The following PAPSS1 variants were observed in gnomAD, a reference collection of about 807,000 sequenced individuals.
PAPSS1 encodes the protein 3'-phosphoadenosine 5'-phosphosulfate synthase 1.
Under a neutral mutation model 72.0 loss-of-function variants are expected in PAPSS1, and 50 were observed. The observed-to-expected ratio is 0.69, with a 90% CI of 0.55 to 0.88. The LOEUF (loss-of-function observed/expected upper bound fraction) is 0.88, where lower values mean the gene tolerates loss of function less well. Among genes scored for constraint, PAPSS1 ranks in the 40% least tolerant of loss-of-function variants. PAPSS1 has a pLI of 0.00. For synonymous variants in PAPSS1, 261 were observed against 263.6 expected (o/e 0.99, Z 0.09); for missense variants, 657 against 782.2 (o/e 0.84, Z 1.91).
intron 10 of PAPSS1, among the ~76,000 whole-genome samples, chr4:107,641,402 T>G (rs1441297116): frequency 6.6e-6 from 1 of 152,188 alleles, no homozygotes; most frequent in Admixed American, 6.5e-5. Flanking sequence ...CCATGCTATA[T>G]TCAGAGTTGA....
At chr4:107,624,671 C>T (rs1726048994) in intron 11 of PAPSS1, among the ~76,000 whole-genome samples, 1 of 151,904 alleles carries the variant, frequency 6.6e-6, no homozygotes, top group Admixed American at 6.6e-5. Flanking sequence ...TACTAGAAGA[C>T]AATATGATAG....
intron 11 of PAPSS1, among the ~76,000 whole-genome samples, chr4:107,621,740 C>G (rs1010983385): frequency 6.7e-6 from 1 of 150,128 alleles, no homozygotes. Flanking sequence ...CCTGCCTCAG[C>G]CTCCCGAGTA....
intron 11 of PAPSS1, 110 bp from the exon 12 acceptor site, chr4:107,614,497 C>T (rs981982064): frequency 2.7e-6 from 2 of 737,074 alleles, no homozygotes; most frequent in African/African-American, 1.8e-5. Context: ...AAAAAAAATA[C>T]TGAACATAGT....
rs1170269280 is a variant in PAPSS1 at position 107,687,070 on chromosome 4, G to A, written c.519C>T (p.Leu173=). The A allele has an allele frequency of 6.3e-7, 1 of 1,594,916 alleles. No individual in the cohort carries two copies. The highest frequency in any genetic ancestry group is 8.5e-7 in the Non-Finnish European group (1 of 1,173,692). The stretch of plus-strand genomic sequence containing the variant: ...TTTCTCCTGCCCGGGCTTTTTTGTA[G>A]AGTCCTTTGACATCCCTCTGTTCAC... ...HVCEQRDVKG[L]YKKARAGEIK... Residue 173 remains leucine, a synonymous_variant, in exon 4 of 12, where the codon CTC becomes CTT. Coordinates refer to ENST00000265174, the MANE Select transcript of PAPSS1 (RefSeq NM_005443.5).
intron 6 of PAPSS1, among the ~76,000 whole-genome samples, chr4:107,658,804 G>C (rs141354897): frequency 7.9e-5 from 12 of 152,140 alleles, no homozygotes; most frequent in African/African-American, 2.6e-4. Context: ...TTGAATGTCT[G>C]TGTCCTCTCA....
At chr4:107,677,660 A>T (rs1341049337) in intron 5 of PAPSS1, among the ~76,000 whole-genome samples, 1 of 152,244 alleles carries the variant, frequency 6.6e-6, no homozygotes, top group Non-Finnish European at 1.5e-5. Flanking sequence ...TAGAAATACC[A>T]TTGGACCCAA....
intron 11 of PAPSS1, among the ~76,000 whole-genome samples, chr4:107,627,179 T>C (rs561798839): frequency 2.0e-3 from 300 of 152,326 alleles, no homozygotes; most frequent in African/African-American, 6.9e-3. Flanking sequence ...GAGACCACAG[T>C]AATGAAACAT....
At chr4:107,709,374 A>G (rs1206800110) in intron 1 of PAPSS1, among the ~76,000 whole-genome samples, 1 of 152,176 alleles carries the variant, frequency 6.6e-6, no homozygotes, top group East Asian at 1.9e-4. Context: ...AACTGCCCTT[A>G]GGTATTGCTG....
At chr4:107,651,993 G>A (rs1015886112) in intron 9 of PAPSS1, among the ~76,000 whole-genome samples, 2 of 152,144 alleles carry the variant, frequency 1.3e-5, no homozygotes, top group African/African-American at 4.8e-5. Context: ...AACTCTGAAT[G>A]CCTACCAGGA....
chr4:107,715,027 A>C (rs1435054365), intron 1 of PAPSS1, among the ~76,000 whole-genome samples: 1 of 152,160 alleles, frequency 6.6e-6, no homozygotes, highest in Admixed American at 6.5e-5. Context: ...ACAGATAAGT[A>C]GAAAAAAAAA....
intron 11 of PAPSS1, among the ~76,000 whole-genome samples, chr4:107,627,141 G>A (rs1305910883): frequency 2.0e-5 from 3 of 152,172 alleles, no homozygotes; most frequent in Non-Finnish European, 4.4e-5. Flanking sequence ...AGGGTCCTGC[G>A]TGTGATTAAA....
At chr4:107,690,816 G>A (rs1319414698) in intron 3 of PAPSS1, among the ~76,000 whole-genome samples, 3 of 151,974 alleles carry the variant, frequency 2.0e-5, no homozygotes, top group African/African-American at 7.3e-5. Context: ...ACAAACAAGG[G>A]GGCCACAAAG....
In PAPSS1 at chr4:107,701,265, A is replaced by G. The variant is rs1377950590; in HGVS notation, c.81T>C (p.Asn27=). ...TGACATGATGGGCTTGGTAGGTGAC[A>G]TTGGTTGCTCTCTGCATTCCCTAGA... is the stretch of plus-strand genomic sequence containing the variant. ...AQNWGMQRAT[N]VTYQAHHVSR... Residue 27 remains asparagine (N), a synonymous_variant, in exon 2 of 12, where the codon AAT becomes AAC. Transcript: ENST00000265174. 1.2e-6 allele frequency: 2 copies of G among 1,613,208 alleles called. No homozygotes were observed. Among genetic ancestry groups the G allele is most frequent in the Admixed American group, 1.7e-5 (1 of 59,960 alleles).
At chr4:107,707,236 G>A (rs778281093) in intron 1 of PAPSS1, among the ~76,000 whole-genome samples, 21 of 152,304 alleles carry the variant, frequency 1.4e-4, no homozygotes, top group Non-Finnish European at 2.6e-4. Context: ...TCTGAAACCT[G>A]GAGAGGGCCT....
chr4:107,666,219 T>C (rs770435551), intron 5 of PAPSS1, among the ~76,000 whole-genome samples: 2 of 152,194 alleles, frequency 1.3e-5, no homozygotes, highest in Non-Finnish European at 2.9e-5. Flanking sequence ...ATAGCACTAG[T>C]AAATCTAGAG....
At chr4:107,650,220 G>A (rs944646760) in intron 9 of PAPSS1, among the ~76,000 whole-genome samples, 1 of 152,186 alleles carries the variant, frequency 6.6e-6, no homozygotes, top group Non-Finnish European at 1.5e-5. Context: ...CTAAAAGAGT[G>A]AACAAGAACT....
intron 1 of PAPSS1, among the ~76,000 whole-genome samples, chr4:107,716,626 A>T (rs187436498): frequency 2.8e-4 from 42 of 152,280 alleles, no homozygotes; most frequent in Middle Eastern, 3.4e-3. Context: ...CAACTAACAC[A>T]TCCCCAAGGG....
intron 5 of PAPSS1, among the ~76,000 whole-genome samples, chr4:107,671,823 T>C (rs1320278691): frequency 6.6e-6 from 1 of 152,238 alleles, no homozygotes; most frequent in Non-Finnish European, 1.5e-5. Context: ...TATAATTGTA[T>C]TCTTTTTAAA....
intron 11 of PAPSS1, among the ~76,000 whole-genome samples, chr4:107,615,029 A>G (rs1203584208): frequency 6.6e-6 from 1 of 152,058 alleles, no homozygotes; most frequent in South Asian, 2.1e-4. Flanking sequence ...GAAAACTTTT[A>G]AAGAAGTTTC....
Sources: gnomAD v4.1 joint callset for allele counts (sites outside exome capture counted in the v4.1 genomes callset) on GRCh38, gnomAD v4.1.1 for gene constraint, MANE v1.5 for transcripts, NCBI Gene and HGNC (gene_info 2026-07-23, HGNC 2026-07-21) for gene names.